MAF: variants seen among roughly 807,000 people sequenced by gnomAD.
MAF encodes the protein MAF bZIP transcription factor.
Under a neutral mutation model 22.0 loss-of-function variants are expected in MAF, and 10 were observed. The ratio of observed to expected loss-of-function variants is 0.45; its 90% CI spans 0.28 to 0.77. The LOEUF (loss-of-function observed/expected upper bound fraction) is 0.77, where lower values mean the gene tolerates loss of function less well. Among genes scored for constraint, MAF ranks in the 30% least tolerant of loss-of-function variants. The probability of loss-of-function intolerance (pLI) is 0.12; values close to 1 mark genes in which losing one functional copy is unlikely to be tolerated. For synonymous variants in MAF, 337 were observed against 255.8 expected (o/e 1.32, Z -3.03); for missense variants, 544 against 548.4 (o/e 0.99, Z 0.08).
the MAF span, among the ~76,000 whole-genome samples, chr16:79,441,927 G>A: frequency 5.9e-5 from 9 of 152,196 alleles, no homozygotes; most frequent in Admixed American, 5.9e-4. Flanking sequence ...GAAAGGAGGG[G>A]GAGATTTGGA....
the MAF span, among the ~76,000 whole-genome samples, chr16:79,362,720 T>C: frequency 1.1e-3 from 173 of 152,304 alleles, no homozygotes; most frequent in African/African-American, 4.0e-3. Flanking sequence ...CTTTACATTC[T>C]ACACTTTAAA....
the MAF span, among the ~76,000 whole-genome samples, chr16:79,339,779 A>T: frequency 6.6e-6 from 1 of 152,186 alleles, no homozygotes; most frequent in Non-Finnish European, 1.5e-5. Flanking sequence ...TTTCAAGATG[A>T]TTACTTTTCA....
At chr16:79,245,275 C>T in the MAF span, among the ~76,000 whole-genome samples, 1 of 151,962 alleles carries the variant, frequency 6.6e-6, no homozygotes, top group Non-Finnish European at 1.5e-5. Context: ...TTGGAGTGAA[C>T]AGGAAACCTA....
At chr16:79,564,392 G>A in the MAF span, among the ~76,000 whole-genome samples, 2 of 152,192 alleles carry the variant, frequency 1.3e-5, no homozygotes, top group African/African-American at 2.4e-5. Context: ...GTTTATAGCC[G>A]AATAAGGTCA....
the MAF span, among the ~76,000 whole-genome samples, chr16:79,375,501 G>A: frequency 6.6e-6 from 1 of 152,204 alleles, no homozygotes; most frequent in South Asian, 2.1e-4. Context: ...TAATGATGGT[G>A]ATGATGATGA....
At chr16:79,340,155 G>A in the MAF span, among the ~76,000 whole-genome samples, 2 of 151,998 alleles carry the variant, frequency 1.3e-5, no homozygotes, top group Admixed American at 6.5e-5. Flanking sequence ...AGGGACGGAG[G>A]AGGAGGTGAT....
chr16:79,234,187 G>T, the MAF span, among the ~76,000 whole-genome samples: 6 of 151,678 alleles, frequency 4.0e-5, no homozygotes, highest in East Asian at 1.9e-4. Flanking sequence ...ACACACAGTG[G>T]TTTTTTTTGG....
chr16:79,331,758 C>A, the MAF span, among the ~76,000 whole-genome samples: 1 of 152,124 alleles, frequency 6.6e-6, no homozygotes, highest in Non-Finnish European at 1.5e-5. Flanking sequence ...TTTCTGCCCC[C>A]ATCTCCTGCC....
chr16:79,400,220 G>A, the MAF span, among the ~76,000 whole-genome samples: 5 of 152,292 alleles, frequency 3.3e-5, no homozygotes, highest in African/African-American at 7.2e-5. Context: ...AAAATATCAG[G>A]AGTGCCACAG....
chr16:79,442,604 C>T, the MAF span, among the ~76,000 whole-genome samples: 3 of 152,146 alleles, frequency 2.0e-5, no homozygotes, highest in Non-Finnish European at 4.4e-5. Context: ...TACAGTGGTG[C>T]AGCACGATCA....
the MAF span, among the ~76,000 whole-genome samples, chr16:79,573,067 AT>A: frequency 1.1e-4 from 17 of 151,984 alleles, no homozygotes; most frequent in South Asian, 1.3e-3. Context: ...ATTCATGTGT[AT>A]TTTTTTTCCC....
At chr16:79,282,713 C>A in the MAF span, among the ~76,000 whole-genome samples, 1 of 152,186 alleles carries the variant, frequency 6.6e-6, no homozygotes, top group Non-Finnish European at 1.5e-5. Context: ...GTAAGTAGAT[C>A]TCTTTACTTT....
the MAF span, among the ~76,000 whole-genome samples, chr16:79,562,179 G>C: frequency 1.3e-5 from 2 of 152,074 alleles, no homozygotes; most frequent in South Asian, 4.2e-4. Context: ...GTAATATTCA[G>C]ACCACGTCTA....
At chr16:79,436,149 C>T in the MAF span, among the ~76,000 whole-genome samples, 2 of 152,222 alleles carry the variant, frequency 1.3e-5, no homozygotes, top group African/African-American at 4.8e-5. Context: ...GTGGCATGAT[C>T]TCGGCTCACT....
At chr16:79,561,368 A>T in the MAF span, among the ~76,000 whole-genome samples, 2 of 150,584 alleles carry the variant, frequency 1.3e-5, no homozygotes, top group Admixed American at 1.3e-4. Context: ...CACAACGTGC[A>T]GGTTAGTTAC....
chr16:79,392,568 T>C, the MAF span, among the ~76,000 whole-genome samples: 1 of 152,004 alleles, frequency 6.6e-6, no homozygotes, highest in Non-Finnish European at 1.5e-5. Flanking sequence ...GAACCAGCTG[T>C]AATAGGCCAC....
the MAF span, among the ~76,000 whole-genome samples, chr16:79,300,967 CAG>C: frequency 6.6e-6 from 1 of 151,750 alleles, no homozygotes; most frequent in African/African-American, 2.4e-5. Flanking sequence ...CAAAGGACAG[CAG>C]AGGGGCAGAA....
chr16:79,240,072 C>T, the MAF span, among the ~76,000 whole-genome samples: 10,950 of 151,780 alleles, frequency 0.072, 579 homozygotes, highest in Middle Eastern at 0.15. Flanking sequence ...TTGCAAAGAA[C>T]ATCAAAGGGC....
At chr16:79,525,428 A>G in the MAF span, among the ~76,000 whole-genome samples, 1 of 152,194 alleles carries the variant, frequency 6.6e-6, no homozygotes, top group Non-Finnish European at 1.5e-5. Flanking sequence ...TCAAACAAAG[A>G]CATAGTATGT....
Sources: gnomAD v4.1 joint callset for allele counts (sites outside exome capture counted in the v4.1 genomes callset) on GRCh38, gnomAD v4.1.1 for gene constraint, MANE v1.5 for transcripts, NCBI Gene and HGNC (gene_info 2026-07-23, HGNC 2026-07-21) for gene names.